The following SH3D19 variants were observed in gnomAD, a reference collection of about 807,000 sequenced individuals.
SH3D19 encodes the protein SH3 domain-containing protein 19.
Under a neutral mutation model 112.1 loss-of-function variants are expected in SH3D19, and 58 were observed. That is an observed-to-expected ratio of 0.52 (90% CI 0.42 to 0.64). The LOEUF (loss-of-function observed/expected upper bound fraction) is 0.64, where lower values mean the gene tolerates loss of function less well. Ranked by LOEUF, SH3D19 falls within the 30% of genes least tolerant of loss-of-function variation. SH3D19 has a pLI of 0.00. For synonymous variants in SH3D19, 391 were observed against 448.5 expected (o/e 0.87, Z 1.62); for missense variants, 1,090 against 1,263.4 (o/e 0.86, Z 2.08).
In SH3D19 at chr4:151,164,121, C is replaced by T. The variant is rs1039201250; in HGVS notation, c.1642+1468G>A. 3.9e-5 allele frequency among the ~76,000 whole-genome samples: 6 copies of T among 152,080 alleles called. 1 individual carries two copies. Among genetic ancestry groups the T allele is most frequent in the Admixed American group, 2.0e-4 (3 of 15,260 alleles). On this transcript the variant is annotated intron_variant, in intron 8 of 19. Coordinates refer to ENST00000604030, the MANE Select transcript of SH3D19 (RefSeq NM_001378122.1). ...TAGTGCTTTATAGAGAAACCAAACT[C>T]CTAAAATAAAGGGAATATGCCTGCA...
chr4:151,290,429 C>T (rs1220847758), intron 1 of SH3D19, among the ~76,000 whole-genome samples: 2 of 152,022 alleles, frequency 1.3e-5, no homozygotes, highest in African/African-American at 2.4e-5. Context: ...TGAAACATGC[C>T]AGACACAAAA....
intron 14 of SH3D19, among the ~76,000 whole-genome samples, chr4:151,136,889 T>A (rs1176109851): frequency 3.3e-5 from 5 of 152,262 alleles, no homozygotes; most frequent in African/African-American, 1.2e-4. Flanking sequence ...TTTGAAGAAT[T>A]CAGATTTTCT....
At chr4:151,193,972 T>G (rs72723756) in intron 2 of SH3D19, among the ~76,000 whole-genome samples, 397 of 150,658 alleles carry the variant, frequency 2.6e-3, no homozygotes, top group Non-Finnish European at 4.0e-3. Context: ...AGGGCTAAAA[T>G]CTAATCCTCT....
chr4:151,203,352 C>T (rs1764666365), intron 2 of SH3D19, among the ~76,000 whole-genome samples: 1 of 152,212 alleles, frequency 6.6e-6, no homozygotes, highest in Non-Finnish European at 1.5e-5. Flanking sequence ...TGCACAGAAC[C>T]TAACCAGAAA....
At chr4:151,161,947 T>C (rs1757237338) in intron 8 of SH3D19, among the ~76,000 whole-genome samples, 1 of 151,872 alleles carries the variant, frequency 6.6e-6, no homozygotes, top group South Asian at 2.1e-4. Context: ...TTTTTTTTAA[T>C]TGAGCCTTTA....
chr4:151,278,037 TC>T (rs151054951), intron 1 of SH3D19, among the ~76,000 whole-genome samples: 4,211 of 151,428 alleles, frequency 0.028, 187 homozygotes, highest in African/African-American at 0.093. Flanking sequence ...TAAGACCCCG[TC>T]CCCCCAAAAA....
intron 1 of SH3D19, among the ~76,000 whole-genome samples, chr4:151,319,750 T>C (rs1730353940): frequency 6.6e-6 from 1 of 152,214 alleles, no homozygotes; most frequent in African/African-American, 2.4e-5. Context: ...CTCAGTTTGT[T>C]GTAAGAATCC....
At position 151,325,471 on chromosome 4, in the gene SH3D19, G is replaced by C. The variant is rs1561461962; in HGVS notation, c.-119C>G. The stretch of plus-strand genomic sequence containing the variant: ...CGGGCCGGGGGGAAGGCGGCTCCCG[G>C]AGAGGAGGCGTCGGCGGCGGCTGTG... On this transcript the variant is annotated 5_prime_UTR_variant, in exon 1 of 20. Transcript: ENST00000604030. 2.6e-6 allele frequency: 1 copy of C among 390,622 alleles called. No homozygotes were observed. The highest frequency in any genetic ancestry group is 4.2e-6 in the Non-Finnish European group (1 of 240,614). 24.2% of individuals were successfully genotyped at this position (390,622 alleles called of 1,614,324 possible). A position where few individuals can be genotyped will look rare whatever the true frequency, so the allele number is the denominator to read the frequency against.
chr4:151,133,377 T>A, intron 15 of SH3D19, 141 bp from the exon 16 acceptor site: 1 of 704,512 alleles, frequency 1.4e-6, no homozygotes, highest in Non-Finnish European at 2.3e-6. Context: ...AATTATTCCA[T>A]GAAAAAGAGT....
chr4:151,305,294 C>A (rs1371839694), intron 1 of SH3D19, among the ~76,000 whole-genome samples: 2 of 152,136 alleles, frequency 1.3e-5, no homozygotes, highest in East Asian at 1.9e-4. Flanking sequence ...TCTGAGGAAG[C>A]CCAGATGCTG....
In SH3D19 at chr4:151,128,324, A is replaced by T. The variant is rs2149728215; in HGVS notation, c.2775T>A (p.Ala925=). 4 of 1,613,872 alleles carry T rather than the reference A, an allele frequency of 2.5e-6. 1 individual carries two copies. The highest frequency in any genetic ancestry group is 1.6e-4 in the Middle Eastern group (1 of 6,062). Residue 925 remains alanine (A), a synonymous_variant, in exon 18 of 20, where the codon GCT becomes GCA. Coordinates refer to ENST00000604030, the MANE Select transcript of SH3D19 (RefSeq NM_001378122.1). ...TGGTCTCTGCTGTAAAACTGTGAAG[A>T]GCTTCACACCATTCTGCCGGAAGAC... ...VNSLPAEWCE[A]LHSFTAETSD...
intron 3 of SH3D19, among the ~76,000 whole-genome samples, chr4:151,186,847 T>C (rs1243211917): frequency 6.9e-6 from 1 of 144,674 alleles, no homozygotes; most frequent in African/African-American, 2.6e-5. Flanking sequence ...CAGGCTGGAG[T>C]GCAGTGGCGC....
At chr4:151,262,676 TTCTC>T (rs61642865) in intron 1 of SH3D19, 11,706 of 144,796 alleles carry the variant, frequency 0.081, 497 homozygotes, top group Middle Eastern at 0.14. Flanking sequence ...GCCAACATTC[TTCTC>T]TCTCTCTCTC....
At chr4:151,240,953 A>G (rs144237858) in intron 1 of SH3D19, among the ~76,000 whole-genome samples, 1 of 152,040 alleles carries the variant, frequency 6.6e-6, no homozygotes, top group Non-Finnish European at 1.5e-5. Context: ...TTTAGCAAGA[A>G]AAAGGAACGA....
At chr4:151,268,873 C>T (rs1184594010) in intron 1 of SH3D19, among the ~76,000 whole-genome samples, 1 of 151,916 alleles carries the variant, frequency 6.6e-6, no homozygotes, top group African/African-American at 2.4e-5. Flanking sequence ...CAAGTCTTTG[C>T]TATTGAGAAT....
At chr4:151,171,722 T>C (rs1359016337) in intron 7 of SH3D19, among the ~76,000 whole-genome samples, 1 of 152,204 alleles carries the variant, frequency 6.6e-6, no homozygotes, top group East Asian at 1.9e-4. Flanking sequence ...TTTTCTGTCA[T>C]TTCTTTCCCT....
chr4:151,202,286 G>C (rs992421921), intron 2 of SH3D19, among the ~76,000 whole-genome samples: 1 of 152,220 alleles, frequency 6.6e-6, no homozygotes, highest in African/African-American at 2.4e-5. Flanking sequence ...TGTGAGCCGA[G>C]ATCGCGCCAC....
chr4:151,314,148 C>T (rs930567739), intron 1 of SH3D19, among the ~76,000 whole-genome samples: 13 of 152,168 alleles, frequency 8.5e-5, no homozygotes, highest in African/African-American at 2.4e-4. Flanking sequence ...ATGCAGCAGC[C>T]CTGGCATGCA....
chr4:151,236,266 G>A lies in SH3D19; in HGVS notation c.113-10180C>T, dbSNP rs541196923. On this transcript the variant is annotated intron_variant, in intron 1 of 19. Transcript: ENST00000604030. The stretch of plus-strand genomic sequence containing the variant: ...GCAAGCGGGAGCCGGGGCTGCGCCC[G>A]GGGCTTGCGGGCTGGCGGGGGTTCC... 3.9e-5 allele frequency among the ~76,000 whole-genome samples: 6 copies of A among 152,384 alleles called. No homozygotes were observed. In the South Asian group the frequency reaches 6.2e-4, roughly 16 times the overall value.
Sources: allele counts gnomAD v4.1 joint callset (sites outside exome capture counted in the v4.1 genomes callset), GRCh38; gene constraint gnomAD v4.1.1; transcripts MANE v1.5; gene names NCBI Gene and HGNC (gene_info 2026-07-23, HGNC 2026-07-21).